C4orf50: variants seen among roughly 807,000 people sequenced by gnomAD.
The protein encoded by C4orf50 is chromosome 4 open reading frame 50.
C4orf50 carries 80 observed loss-of-function variants against 77.2 expected under a neutral mutation model. The observed-to-expected ratio is 1.04, with a 90% CI of 0.87 to 1.25. The LOEUF (loss-of-function observed/expected upper bound fraction) is 1.25, where lower values mean the gene tolerates loss of function less well. Ranked by LOEUF, C4orf50 falls within the 50% of genes most tolerant of loss-of-function variation. The pLI is 0.00. For missense variants in C4orf50, 1,257 were observed against 1,152.9 expected (o/e 1.09, Z -1.31); for synonymous variants, 532 against 465.3 (o/e 1.14, Z -1.84).
At chr4:5,915,202 G>T (rs1298322933) in intron 7 of C4orf50, among the ~76,000 whole-genome samples, 1 of 152,130 alleles carries the variant, frequency 6.6e-6, no homozygotes, top group Non-Finnish European at 1.5e-5. Flanking sequence ...AAGAGCCTCA[G>T]TGGTCCCTAG....
At chr4:5,904,463 T>G (rs1716463075) in intron 7 of C4orf50, 1 of 152,164 alleles carries the variant, frequency 6.6e-6, no homozygotes, top group Non-Finnish European at 1.5e-5. Context: ...GAAGGCTGGG[T>G]GTGGAAGCTT....
chr4:5,949,135 C>A (rs1247839372), intron 7 of C4orf50, among the ~76,000 whole-genome samples: 1 of 152,088 alleles, frequency 6.6e-6, no homozygotes, highest in Non-Finnish European at 1.5e-5. Flanking sequence ...GAGAGCACAG[C>A]AAACACCACA....
intron 7 of C4orf50, among the ~76,000 whole-genome samples, chr4:5,930,969 G>T (rs1445353765): frequency 2.0e-5 from 3 of 152,218 alleles, no homozygotes; most frequent in Admixed American, 6.5e-5. Context: ...CCGGCCAGGA[G>T]TGCACAAACG....
intron 31 of C4orf50, among the ~76,000 whole-genome samples, chr4:5,968,561 G>A (rs540451832): frequency 3.9e-5 from 6 of 152,218 alleles, no homozygotes; most frequent in Non-Finnish European, 7.4e-5. Flanking sequence ...CTCCCACCCC[G>A]GTGCCTGTGT....
intron 31 of C4orf50, among the ~76,000 whole-genome samples, chr4:5,972,189 G>A (rs1456514282): frequency 6.6e-6 from 1 of 152,028 alleles, no homozygotes; most frequent in Non-Finnish European, 1.5e-5. Context: ...ATTTTTAGTA[G>A]AGACGGGGTT....
At chr4:5,923,078 T>C (rs7672010) in intron 7 of C4orf50, among the ~76,000 whole-genome samples, 62,025 of 152,118 alleles carry the variant, frequency 0.41, 13,713 homozygotes, top group East Asian at 0.77. Context: ...TGAACTTTCC[T>C]GGAGTAGACG....
Position 5,919,871 on chromosome 4 carries a change from T to A in C4orf50, c.*2475-21683A>T, listed in dbSNP as rs1577886915. Among the ~76,000 whole-genome samples the A allele has an allele frequency of 6.6e-6, 1 of 152,202 alleles. No homozygotes were observed. Among genetic ancestry groups the A allele is most frequent in the African/African-American group, 2.4e-5 (1 of 41,446 alleles). On this transcript the variant is annotated intron_variant, in intron 7 of 7. Transcript: ENST00000324058. This position sits in a 1 kb window ranked among gnomAD's most constrained non-coding sequence, Gnocchi z 6.5. Reference sequence around the variant, plus strand: ...GGGCACAGGTGGCCCTCCCTATCCATGGGTTCCACATCCATCGATTCAACC... The same window carrying A: ...GGGCACAGGTGGCCCTCCCTATCCAAGGGTTCCACATCCATCGATTCAACC...
intron 28 of C4orf50, among the ~76,000 whole-genome samples, chr4:5,984,490 C>A (rs1418431497): frequency 6.6e-6 from 1 of 152,112 alleles, no homozygotes; most frequent in African/African-American, 2.4e-5. Flanking sequence ...AATGGATGTA[C>A]AGATGGACTA....
At chr4:5,921,537 C>G (rs1717271489) in intron 7 of C4orf50, among the ~76,000 whole-genome samples, 1 of 152,150 alleles carries the variant, frequency 6.6e-6, no homozygotes, top group African/African-American at 2.4e-5. Context: ...CTGACAGACC[C>G]TGCCAGCATC....
At chr4:5,909,691 G>A (rs1716712739) in intron 7 of C4orf50, among the ~76,000 whole-genome samples, 1 of 152,212 alleles carries the variant, frequency 6.6e-6, no homozygotes, top group African/African-American at 2.4e-5. Context: ...TAAGTGGTGA[G>A]AGATAGGGGT....
At chr4:5,964,436 TCA>T (rs1719439045) in intron 33 of C4orf50, among the ~76,000 whole-genome samples, 1 of 67,384 alleles carries the variant, frequency 1.5e-5, no homozygotes, top group African/African-American at 7.1e-5. Context: ...TCAAATTGTG[TCA>T]TCAAGGTTTT....
rs115275560 is a variant in C4orf50, at chr4:5,971,941, G to A, written c.4104+1718C>T. On this transcript the variant is annotated intron_variant, in intron 31 of 33. Coordinates refer to ENST00000531445, the Ensembl canonical transcript of C4orf50. The stretch of plus-strand genomic sequence containing the variant: ...ATGTCCCCACAGCAGCCAGCCAGCC[G>A]GCCTTCCAGGGTGACACCTGCTGCA... 4.3e-3 allele frequency among the ~76,000 whole-genome samples: 658 copies of A among 152,174 alleles called. 4 individuals are homozygous for A. Among genetic ancestry groups the A allele is most frequent in the African/African-American group, 0.015 (625 of 41,524 alleles).
In C4orf50 at chr4:5,958,592, G is replaced by A. The variant is rs543521379; in HGVS notation, c.*783C>T. The A allele has an allele frequency of 6.6e-6, 1 of 152,248 alleles. No homozygotes were observed. The highest frequency in any genetic ancestry group is 2.4e-5 in the African/African-American group (1 of 41,534). The allele number at this position is 152,248 out of a possible 1,614,324, so 9.4% of individuals were successfully genotyped here. A position where few individuals can be genotyped will look rare whatever the true frequency, so the allele number is the denominator to read the frequency against. ...TTGCGTGCGTGCTGATTTACTCACA[G>A]GAGTATCTCTCCCATTGTCCTGTGA... On this transcript the variant is annotated 3_prime_UTR_variant, in exon 34 of 34. Coordinates refer to ENST00000531445, the Ensembl canonical transcript of C4orf50. The surrounding 1 kb of genome is among the most constrained non-coding windows in gnomAD (Gnocchi z 5.4).
At chr4:6,003,793 TGA>T (rs1721972669) in intron 25 of C4orf50, among the ~76,000 whole-genome samples, 1 of 146,828 alleles carries the variant, frequency 6.8e-6, no homozygotes. Context: ...GTGATGGTGA[TGA>T]TGGTGATGGT....
chr4:5,982,111 G>A (rs1021153982), intron 28 of C4orf50, among the ~76,000 whole-genome samples: 1 of 152,184 alleles, frequency 6.6e-6, no homozygotes, highest in Non-Finnish European at 1.5e-5. Flanking sequence ...GCTGGGCCGT[G>A]TTAAGAACAG....
intron 7 of C4orf50, among the ~76,000 whole-genome samples, chr4:5,933,351 C>T (rs1432642948): frequency 6.6e-6 from 1 of 152,250 alleles, no homozygotes; most frequent in Non-Finnish European, 1.5e-5. Context: ...GGTCCCGAGT[C>T]TGCCACTCAC....
chr4:5,902,414 G>C (rs1716379408), intron 7 of C4orf50: 1 of 152,194 alleles, frequency 6.6e-6, no homozygotes, highest in South Asian at 2.1e-4. Context: ...CTTAGGTTTT[G>C]AAATCAGGCC....
intron 7 of C4orf50, among the ~76,000 whole-genome samples, chr4:5,942,725 C>G (rs916321064): frequency 1.3e-5 from 2 of 152,184 alleles, no homozygotes; most frequent in Non-Finnish European, 2.9e-5. Flanking sequence ...TTGCCCACAG[C>G]TTGAGAGACT....
intron 25 of C4orf50, among the ~76,000 whole-genome samples, chr4:5,996,174 C>T (rs1042244900): frequency 6.6e-6 from 1 of 152,184 alleles, no homozygotes; most frequent in Non-Finnish European, 1.5e-5. Context: ...TGTCCCAGCG[C>T]GTCCGTGCTC....
Sources: allele counts gnomAD v4.1 joint callset (sites outside exome capture counted in the v4.1 genomes callset), GRCh38; gene constraint gnomAD v4.1.1; non-coding constraint Gnocchi (gnomAD v3.1); transcripts MANE v1.5; gene names NCBI Gene and HGNC (gene_info 2026-07-23, HGNC 2026-07-21).